GAS7: variants seen among roughly 807,000 people sequenced by gnomAD.
GAS7 encodes the protein growth arrest specific 7, also known as growth arrest-specific protein 7.
In GAS7, 28 loss-of-function variants were observed where a neutral mutation model predicts 71.1. The observed-to-expected ratio is 0.39, with a 90% confidence interval of 0.29 to 0.54. The LOEUF is 0.54. Ranked by LOEUF, GAS7 falls within the 20% of genes least tolerant of loss-of-function variation. GAS7 has a pLI of 0.62. For missense variants in GAS7, 436 were observed against 627.8 expected, an observed-to-expected ratio of 0.69 and a Z score of 3.27; for synonymous variants, 258 against 245.8, an observed-to-expected ratio of 1.05 and a Z score of -0.46.
intron 2 of GAS7, among the ~76,000 whole-genome samples, chr17:10,005,110 T>C (rs930431316): frequency 1.6e-4 from 24 of 151,876 alleles, no homozygotes; most frequent in Admixed American, 7.9e-4. Flanking sequence ...TGCATGTGTG[T>C]GCGTGTGCAC....
intron 1 of GAS7, among the ~76,000 whole-genome samples, chr17:10,067,503 G>A (rs964591713): frequency 1.7e-4 from 26 of 152,010 alleles, no homozygotes; most frequent in African/African-American, 6.3e-4. Flanking sequence ...GCCTCCCAAA[G>A]TGCTGGGATT....
intron 1 of GAS7, among the ~76,000 whole-genome samples, chr17:10,089,838 G>A (rs927679262): frequency 6.6e-6 from 1 of 152,152 alleles, no homozygotes; most frequent in Non-Finnish European, 1.5e-5. Context: ...AAATTCTGGA[G>A]GCAACCACCA....
chr17:10,193,489 C>T (rs1299063688), intron 1 of GAS7, among the ~76,000 whole-genome samples: 1 of 152,148 alleles, frequency 6.6e-6, no homozygotes, highest in Non-Finnish European at 1.5e-5. Flanking sequence ...CCTGTACCCA[C>T]CTCCCTTCCA....
chr17:10,005,188 T>TGTGTGC (rs2071457520), intron 2 of GAS7, among the ~76,000 whole-genome samples: 2 of 147,242 alleles, frequency 1.4e-5, no homozygotes, highest in Non-Finnish European at 3.0e-5. Flanking sequence ...TATGTGTATG[T>TGTGTGC]GCACGCATGC....
chr17:10,165,216 C>T (rs1185076996), intron 1 of GAS7, among the ~76,000 whole-genome samples: 3 of 144,100 alleles, frequency 2.1e-5, no homozygotes, highest in South Asian at 2.3e-4. Flanking sequence ...GACGTGAACC[C>T]GGGAGGCAGA....
chr17:10,149,693 T>A (rs2074148980), intron 1 of GAS7, among the ~76,000 whole-genome samples: 1 of 152,182 alleles, frequency 6.6e-6, no homozygotes, highest in African/African-American at 2.4e-5. Context: ...GTATAACCAA[T>A]TCACATGTCC....
intron 1 of GAS7, among the ~76,000 whole-genome samples, chr17:10,084,843 G>A (rs2073499795): frequency 6.6e-6 from 1 of 152,116 alleles, no homozygotes; most frequent in South Asian, 2.1e-4. Flanking sequence ...TTTCTCTGTA[G>A]GGCTATTAAT....
At chr17:10,004,074 G>A (rs2071375868) in intron 2 of GAS7, among the ~76,000 whole-genome samples, 1 of 152,166 alleles carries the variant, frequency 6.6e-6, no homozygotes, top group Admixed American at 6.5e-5. Context: ...AGGGTGTTTA[G>A]AGGTGGAAAG....
At chr17:10,185,408 T>C (rs1403380485) in intron 1 of GAS7, among the ~76,000 whole-genome samples, 3 of 152,186 alleles carry the variant, frequency 2.0e-5, no homozygotes, top group African/African-American at 7.2e-5. Context: ...ATTCCACTTA[T>C]GGAGTGTGTA....
intron 1 of GAS7, among the ~76,000 whole-genome samples, chr17:10,035,151 C>T (rs1431981740): frequency 1.3e-5 from 2 of 152,038 alleles, no homozygotes; most frequent in Non-Finnish European, 2.9e-5. Context: ...TTCTTCTTCT[C>T]TGCTACTCCC....
chr17:10,148,614 G>GAAAAA (rs539823559), intron 1 of GAS7, among the ~76,000 whole-genome samples: 4 of 70,388 alleles, frequency 5.7e-5, no homozygotes, highest in Admixed American at 1.7e-4. Context: ...AAACACTCAA[G>GAAAAA]AAAAAAAAAA....
intron 1 of GAS7, chr17:10,036,635 A>G (rs1231473935): frequency 1.4e-6 from 2 of 1,435,304 alleles, no homozygotes; most frequent in Non-Finnish European, 1.8e-6. Flanking sequence ...GGCTTTGCTC[A>G]TTGCTGTTCT....
At chr17:10,054,354 A>C (rs1308061973) in intron 1 of GAS7, among the ~76,000 whole-genome samples, 2 of 152,102 alleles carry the variant, frequency 1.3e-5, no homozygotes, top group Admixed American at 6.5e-5. Flanking sequence ...TTGGAAACCC[A>C]CTACTTATCA....
intron 6 of GAS7, among the ~76,000 whole-genome samples, chr17:9,945,281 C>T (rs184620532): frequency 1.4e-3 from 216 of 152,024 alleles, no homozygotes; most frequent in African/African-American, 5.0e-3. Flanking sequence ...CGTCAACTTC[C>T]CACCCCCACC....
chr17:9,948,404 G>T (rs144516827), intron 5 of GAS7, among the ~76,000 whole-genome samples: 1 of 152,334 alleles, frequency 6.6e-6, no homozygotes, highest in Admixed American at 6.5e-5. Flanking sequence ...AATCTGGGGG[G>T]CCGGGCACGG....
At chr17:10,081,251 T>C (rs1007115382) in intron 1 of GAS7, among the ~76,000 whole-genome samples, 29 of 152,098 alleles carry the variant, frequency 1.9e-4, no homozygotes, top group African/African-American at 7.0e-4. Context: ...CCCTCCCAGG[T>C]TCAAGCGATT....
At chr17:10,057,621 A>G (rs2073162056) in intron 1 of GAS7, among the ~76,000 whole-genome samples, 1 of 149,074 alleles carries the variant, frequency 6.7e-6, no homozygotes, top group Non-Finnish European at 1.5e-5. Flanking sequence ...CCCGTCTGGG[A>G]GGGAGGTGGG....
chr17:10,011,866 C>A (rs1241640975), intron 2 of GAS7, among the ~76,000 whole-genome samples: 1 of 151,760 alleles, frequency 6.6e-6, no homozygotes, highest in Non-Finnish European at 1.5e-5. Context: ...GTCCCAGCTA[C>A]TAGGGAGGCT....
At position 9,974,914 on chromosome 17, in the gene GAS7, G is replaced by A. The variant is rs1326367338; in HGVS notation, c.386-5152C>T. Among the ~76,000 whole-genome samples, 1 of 152,162 alleles carries A rather than the reference G, an allele frequency of 6.6e-6. No individual in the cohort carries two copies. The highest frequency in any genetic ancestry group is 2.4e-5 in the African/African-American group (1 of 41,426). ...TGAGGGAAAAAGTCGCATCCTCAGA[G>A]CCCTACTCTCCAGGTTCCTGTTCCC... On this transcript the variant is annotated intron_variant, in intron 3 of 13. Coordinates refer to ENST00000432992, the MANE Select transcript of GAS7 (RefSeq NM_201433.2). This position sits in a 1 kb window ranked among gnomAD's most constrained non-coding sequence, Gnocchi z 4.0.
Sources: gnomAD v4.1 joint callset for allele counts (sites outside exome capture counted in the v4.1 genomes callset) on GRCh38, gnomAD v4.1.1 for gene constraint, Gnocchi (gnomAD v3.1) non-coding constraint, MANE v1.5 for transcripts, NCBI Gene and HGNC (gene_info 2026-07-23, HGNC 2026-07-21) for gene names.